Variants in ZNF98 observed in about 807,000 individuals in gnomAD.
The protein encoded by ZNF98 is zinc finger protein 98, also known as zinc finger protein 739.
In ZNF98, 8 loss-of-function variants were observed where a neutral mutation model predicts 12.8. That is an observed-to-expected ratio of 0.63 (90% confidence interval 0.37 to 1.13). The LOEUF (loss-of-function observed/expected upper bound fraction) is 1.13, where lower values mean the gene tolerates loss of function less well. Ranked by LOEUF, ZNF98 falls within the 50% of genes most tolerant of loss-of-function variation. The pLI is 0.01. For synonymous variants in ZNF98, 112 were observed against 223.5 expected (o/e 0.50, Z 4.45); for missense variants, 379 against 666.1 (o/e 0.57, Z 4.74).
intron 3 of ZNF98, among the ~76,000 whole-genome samples, chr19:22,402,200 G>GAGAAAA (rs1969467291): frequency 8.5e-6 from 1 of 117,516 alleles, no homozygotes; most frequent in Non-Finnish European, 1.8e-5. Flanking sequence ...AAAAAAGAAA[G>GAGAAAA]AGAAAAAGAA....
chr19:22,396,291 C>T (rs1386253388), intron 3 of ZNF98, among the ~76,000 whole-genome samples: 2 of 151,812 alleles, frequency 1.3e-5, no homozygotes, highest in Admixed American at 1.3e-4. Context: ...TTTTTTTATT[C>T]AACTGAGATT....
chr19:22,414,232 CAAAAAAAAAAA>C (rs57966582), intron 1 of ZNF98, among the ~76,000 whole-genome samples: 1,053 of 89,438 alleles, frequency 0.012, 21 homozygotes, highest in Middle Eastern at 0.12. Flanking sequence ...GACTCCATCT[CAAAAAAAAAAA>C]AAAAAAAAAA....
intron 1 of ZNF98, among the ~76,000 whole-genome samples, chr19:22,412,825 G>GA (rs1969594237): frequency 1.3e-5 from 2 of 151,954 alleles, no homozygotes. Flanking sequence ...GGCCGAGGCG[G>GA]GAGTATCACG....
At chr19:22,407,203 C>T (rs184381543) in intron 1 of ZNF98, among the ~76,000 whole-genome samples, 10 of 151,644 alleles carry the variant, frequency 6.6e-5, no homozygotes, top group Middle Eastern at 3.4e-3. Flanking sequence ...ATTACAGGCG[C>T]GTGCCACCAT....
chr19:22,398,722 T>A (rs1374504802), intron 3 of ZNF98, among the ~76,000 whole-genome samples: 3 of 125,024 alleles, frequency 2.4e-5, no homozygotes, highest in African/African-American at 8.7e-5. Context: ...AATTGTTTTT[T>A]AGAAGAATAA....
chr19:22,400,942 G>T, intron 3 of ZNF98, among the ~76,000 whole-genome samples: 2 of 116,508 alleles, frequency 1.7e-5, no homozygotes, highest in East Asian at 2.4e-4. Flanking sequence ...GACAGAGTGA[G>T]ACACTGTCTC....
intron 3 of ZNF98, among the ~76,000 whole-genome samples, chr19:22,395,790 A>G (rs1377504374): frequency 1.3e-5 from 2 of 152,074 alleles, no homozygotes; most frequent in Non-Finnish European, 2.9e-5. Flanking sequence ...ATTTACAAAC[A>G]TAGTCTTATG....
At chr19:22,395,976 A>G (rs926218467) in intron 3 of ZNF98, among the ~76,000 whole-genome samples, 2 of 152,080 alleles carry the variant, frequency 1.3e-5, no homozygotes, top group Non-Finnish European at 2.9e-5. Context: ...CTGAAAAAGT[A>G]TATTAGCACT....
chr19:22,398,180 C>T (rs544976888), intron 3 of ZNF98, among the ~76,000 whole-genome samples: 1 of 152,152 alleles, frequency 6.6e-6, no homozygotes, highest in Admixed American at 6.5e-5. Context: ...TGACTTTATG[C>T]AAAATAAAAT....
chr19:22,398,827 A>G (rs1429192463), intron 3 of ZNF98, among the ~76,000 whole-genome samples: 1 of 152,208 alleles, frequency 6.6e-6, no homozygotes, highest in Non-Finnish European at 1.5e-5. Flanking sequence ...TATTAAACAC[A>G]AGGTGAAAAT....
intron 3 of ZNF98, chr19:22,402,352 G>C (rs1599386052): frequency 2.6e-6 from 1 of 387,332 alleles, no homozygotes; most frequent in Non-Finnish European, 4.5e-6. Flanking sequence ...GCAATGTGCA[G>C]AAAAATTAGC....
At chr19:22,397,967 C>T (rs555190523) in intron 3 of ZNF98, among the ~76,000 whole-genome samples, 97 of 150,706 alleles carry the variant, frequency 6.4e-4, no homozygotes, top group African/African-American at 2.2e-3. Context: ...TATATAAACT[C>T]TCACATATAT....
intron 1 of ZNF98, among the ~76,000 whole-genome samples, chr19:22,405,483 C>T (rs1343767263): frequency 6.6e-6 from 1 of 152,078 alleles, no homozygotes; most frequent in Non-Finnish European, 1.5e-5. Context: ...CACCTGAGAG[C>T]CATACGGGGA....
chr19:22,416,099 G>A (rs867683550), intron 1 of ZNF98, among the ~76,000 whole-genome samples: 1 of 149,530 alleles, frequency 6.7e-6, no homozygotes, highest in Non-Finnish European at 1.5e-5. Context: ...AGCCAAAACC[G>A]TGTCACTGCA....
chr19:22,400,123 T>G (rs10420149), intron 3 of ZNF98, among the ~76,000 whole-genome samples: 71,648 of 151,864 alleles, frequency 0.47, 17,316 homozygotes, highest in African/African-American at 0.56. Flanking sequence ...GAACTTACCC[T>G]GCAATCATCC....
intron 1 of ZNF98, among the ~76,000 whole-genome samples, chr19:22,419,687 ATG>A: frequency 6.6e-6 from 1 of 152,326 alleles, no homozygotes; most frequent in Middle Eastern, 3.4e-3. Context: ...CAGACAATAC[ATG>A]TCTTATTATT....
At chr19:22,403,619 A>G in intron 1 of ZNF98, 107 bp from the exon 2 acceptor site, 1 of 1,051,280 alleles carries the variant, frequency 9.5e-7, no homozygotes, top group Non-Finnish European at 1.4e-6. Context: ...TCTTACTTAT[A>G]GGAGTGACTG....
At chr19:22,401,250 G>T (rs940195501) in intron 3 of ZNF98, among the ~76,000 whole-genome samples, 3 of 151,814 alleles carry the variant, frequency 2.0e-5, no homozygotes, top group Admixed American at 6.6e-5. Flanking sequence ...CACTCAATAA[G>T]TTAGCAAAAT....
intron 1 of ZNF98, among the ~76,000 whole-genome samples, chr19:22,408,302 A>G (rs114147268): frequency 0.037 from 5,657 of 152,278 alleles, 359 homozygotes; most frequent in African/African-American, 0.13. Flanking sequence ...ATCTCAAAAT[A>G]GTAAGTGTGT....
Sources: gnomAD v4.1 joint callset for allele counts (sites outside exome capture counted in the v4.1 genomes callset) on GRCh38, gnomAD v4.1.1 for gene constraint, MANE v1.5 for transcripts, NCBI Gene and HGNC (gene_info 2026-07-23, HGNC 2026-07-21) for gene names.